The following KIAA0825 variants were observed in gnomAD, a reference collection of about 807,000 sequenced individuals.
KIAA0825 encodes KIAA0825.
A neutral mutation model predicts 147.6 loss-of-function variants in KIAA0825; 119 were observed. That is an observed-to-expected ratio of 0.81 (90% CI 0.69 to 0.94). The LOEUF is 0.94. Ranked by LOEUF, KIAA0825 falls within the 40% of genes least tolerant of loss-of-function variation. KIAA0825 has a pLI of 0.00. For missense variants in KIAA0825, 1,381 were observed against 1,472.7 expected (o/e 0.94, Z 1.02); for synonymous variants, 470 against 518.1 (o/e 0.91, Z 1.26).
At chr5:94,453,375 T>A (rs1484203728) in intron 12 of KIAA0825, among the ~76,000 whole-genome samples, 1 of 143,098 alleles carries the variant, frequency 7.0e-6, no homozygotes, top group Non-Finnish European at 1.5e-5. Flanking sequence ...TTAGTAGAGA[T>A]GGGGTTTCAA....
At chr5:94,564,997 TCTCTCTCTCTCC>T (rs1230421173) in intron 2 of KIAA0825, among the ~76,000 whole-genome samples, 2 of 132,940 alleles carry the variant, frequency 1.5e-5, no homozygotes, top group Admixed American at 7.5e-5. Context: ...TCTTCTCCTC[TCTCTCTCTCTCC>T]CTCTCTCTCT....
intron 20 of KIAA0825, among the ~76,000 whole-genome samples, chr5:94,356,876 C>T (rs1784340801): frequency 6.6e-6 from 1 of 151,546 alleles, no homozygotes; most frequent in Admixed American, 6.6e-5. Flanking sequence ...AGGTGCGCAC[C>T]ACCACACCCA....
chr5:94,607,815 T>C (rs1275856662), intron 1 of KIAA0825, among the ~76,000 whole-genome samples: 1 of 152,172 alleles, frequency 6.6e-6, no homozygotes, highest in African/African-American at 2.4e-5. Flanking sequence ...ATTTTGGGGA[T>C]AAATCATTGT....
intron 1 of KIAA0825, among the ~76,000 whole-genome samples, chr5:94,606,031 G>C (rs1235576544): frequency 2.6e-5 from 4 of 152,106 alleles, no homozygotes; most frequent in South Asian, 4.1e-4. Flanking sequence ...TAGCCCAAAG[G>C]CTCCTTCAGC....
At chr5:94,428,719 C>A (rs1345100868) in intron 14 of KIAA0825, among the ~76,000 whole-genome samples, 1 of 151,916 alleles carries the variant, frequency 6.6e-6, no homozygotes, top group African/African-American at 2.4e-5. Context: ...GTCTGGTGAC[C>A]ATATTACTTA....
At position 94,464,859 on chromosome 5, in the gene KIAA0825, C is replaced by A; in HGVS notation, c.2063+10G>T. On this transcript the variant is annotated intron_variant, in intron 11 of 20. Transcript: ENST00000682413. ...TCTTGAAAAGCAATGTTTTTCAGAACTTCAATTACCTTAACTGTGGAGTTC... is the reference window on the plus strand; with the variant it reads ...TCTTGAAAAGCAATGTTTTTCAGAAATTCAATTACCTTAACTGTGGAGTTC... 1 of 1,535,494 alleles carries A rather than the reference C, an allele frequency of 6.5e-7. No homozygotes were observed. The highest frequency in any genetic ancestry group is 2.1e-5 in the Admixed American group (1 of 46,518).
intron 20 of KIAA0825, among the ~76,000 whole-genome samples, chr5:94,194,936 G>C (rs1190696669): frequency 6.6e-6 from 1 of 152,108 alleles, no homozygotes; most frequent in African/African-American, 2.4e-5. Flanking sequence ...TCAGGCACTG[G>C]GGTACTGTCC....
At chr5:94,488,767 T>C (rs951172699) in intron 5 of KIAA0825, among the ~76,000 whole-genome samples, 4 of 152,202 alleles carry the variant, frequency 2.6e-5, no homozygotes, top group Non-Finnish European at 5.9e-5. Context: ...ACGAAAAGGG[T>C]TCTACGACCA....
At chr5:94,443,692 G>A (rs559606576) in intron 13 of KIAA0825, among the ~76,000 whole-genome samples, 1 of 152,128 alleles carries the variant, frequency 6.6e-6, no homozygotes, top group African/African-American at 2.4e-5. Flanking sequence ...TCATCAATTA[G>A]CTCACATACT....
chr5:94,585,347 T>C (rs1783060531), intron 1 of KIAA0825, among the ~76,000 whole-genome samples: 1 of 152,180 alleles, frequency 6.6e-6, no homozygotes, highest in African/African-American at 2.4e-5. Flanking sequence ...GAGGAAGATC[T>C]ACCAAGCAAA....
At chr5:94,598,637 G>A (rs1490252654) in intron 1 of KIAA0825, among the ~76,000 whole-genome samples, 1 of 152,050 alleles carries the variant, frequency 6.6e-6, no homozygotes, top group African/African-American at 2.4e-5. Flanking sequence ...TGCACTGTAT[G>A]CTTTGTACAT....
At chr5:94,546,682 G>A (rs1319464874) in intron 2 of KIAA0825, among the ~76,000 whole-genome samples, 3 of 151,602 alleles carry the variant, frequency 2.0e-5, no homozygotes, top group Admixed American at 6.6e-5. Flanking sequence ...ACTGGGCATG[G>A]GGCCCAAGTC....
chr5:94,349,669 T>C (rs567112191), intron 20 of KIAA0825, among the ~76,000 whole-genome samples: 3 of 152,322 alleles, frequency 2.0e-5, no homozygotes, highest in African/African-American at 7.2e-5. Flanking sequence ...TTAAATAACC[T>C]GCTCCTGAAT....
chr5:94,595,850 C>T (rs1288982314), intron 1 of KIAA0825, among the ~76,000 whole-genome samples: 1 of 152,186 alleles, frequency 6.6e-6, no homozygotes, highest in Non-Finnish European at 1.5e-5. Context: ...TCTAAATCAT[C>T]TCTCTCAAGT....
chr5:94,348,974 C>T (rs937403015), intron 20 of KIAA0825, among the ~76,000 whole-genome samples: 4 of 152,102 alleles, frequency 2.6e-5, no homozygotes, highest in Admixed American at 2.0e-4. Context: ...ATGTAAATGA[C>T]CTAAATGCTC....
chr5:94,233,867 G>C (rs1014776872), intron 20 of KIAA0825, among the ~76,000 whole-genome samples: 3 of 152,082 alleles, frequency 2.0e-5, no homozygotes, highest in Admixed American at 6.5e-5. Context: ...ATACATAAAG[G>C]CTTACCTGTT....
intron 20 of KIAA0825, among the ~76,000 whole-genome samples, chr5:94,289,159 A>G (rs898724630): frequency 6.6e-6 from 1 of 152,200 alleles, no homozygotes; most frequent in Non-Finnish European, 1.5e-5. Flanking sequence ...TTCTATAACT[A>G]TCATTTCACA....
At chr5:94,599,063 A>G (rs534740037) in intron 1 of KIAA0825, among the ~76,000 whole-genome samples, 9 of 152,276 alleles carry the variant, frequency 5.9e-5, no homozygotes, top group Admixed American at 5.9e-4. Context: ...ACTGTTTTCT[A>G]TCATGATTGT....
chr5:94,332,921 A>G (rs1183589648), intron 20 of KIAA0825, among the ~76,000 whole-genome samples: 1 of 152,242 alleles, frequency 6.6e-6, no homozygotes, highest in East Asian at 1.9e-4. Flanking sequence ...TGCCATTCTA[A>G]CTGGCATGAG....
Sources: gnomAD v4.1 joint callset for allele counts (sites outside exome capture counted in the v4.1 genomes callset) on GRCh38, gnomAD v4.1.1 for gene constraint, MANE v1.5 for transcripts, NCBI Gene and HGNC (gene_info 2026-07-23, HGNC 2026-07-21) for gene names.